The following WNK2 variants were observed in gnomAD, a reference collection of about 807,000 sequenced individuals.
The protein encoded by WNK2 is serine/threonine-protein kinase WNK2.
Under a neutral mutation model 192.1 loss-of-function variants are expected in WNK2, and 67 were observed. The observed-to-expected ratio is 0.35, with a 90% CI of 0.29 to 0.43. The LOEUF (loss-of-function observed/expected upper bound fraction) is 0.43, where lower values mean the gene tolerates loss of function less well. Among genes scored for constraint, WNK2 ranks in the 20% least tolerant of loss-of-function variants. The probability of loss-of-function intolerance (pLI) is 1.00; values close to 1 mark genes in which losing one functional copy is unlikely to be tolerated. For synonymous variants in WNK2, 1,439 were observed against 1,393.9 expected, an observed-to-expected ratio of 1.03 and a Z score of -0.72; for missense variants, 2,698 against 3,089.7, an observed-to-expected ratio of 0.87 and a Z score of 3.01.
chr9:93,219,526 T>C (rs931064381), intron 2 of WNK2, among the ~76,000 whole-genome samples: 7 of 152,226 alleles, frequency 4.6e-5, no homozygotes, highest in Non-Finnish European at 7.3e-5. Context: ...AGTTTGTCAT[T>C]GGCTTTTAGC....
At chr9:93,220,989 G>A (rs1836777671) in intron 2 of WNK2, among the ~76,000 whole-genome samples, 1 of 152,238 alleles carries the variant, frequency 6.6e-6, no homozygotes, top group Admixed American at 6.5e-5. Context: ...GCCACGTGGT[G>A]ACAGCTCCAC....
intron 19 of WNK2, among the ~76,000 whole-genome samples, chr9:93,283,783 G>C (rs1848063691): frequency 6.6e-6 from 1 of 152,160 alleles, no homozygotes; most frequent in Non-Finnish European, 1.5e-5. Context: ...AGTTGTGGCT[G>C]GTGGCTGGAA....
At position 93,289,079 on chromosome 9, in the gene WNK2, C is replaced by T. The variant is rs1848905708; in HGVS notation, c.4325C>T (p.Ala1442Val). The T allele has an allele frequency of 1.2e-6, 2 of 1,607,492 alleles. No individual in the cohort carries two copies. Among genetic ancestry groups the T allele is most frequent in the Non-Finnish European group, 1.7e-6 (2 of 1,177,452 alleles). The change falls in exon 20 of 30, where the codon GCC (alanine) becomes GTC (valine). Residue 1442 changes from alanine to valine, a missense_variant. Physicochemically the swap from Ala to Val is moderately conservative, Grantham distance 64. Coordinates refer to ENST00000427277, the MANE Select transcript of WNK2 (RefSeq NM_006648.4). ...TSQPLAETHEAPLAVQPLVVG... is the reference protein window; with the variant it reads ...TSQPLAETHEVPLAVQPLVVG... Reference sequence around the variant, plus strand: ...CAGCCACTAGCGGAGACTCACGAGGCCCCGCTTGCTGTGCAGCCCCTCGTG... The same window carrying T: ...CAGCCACTAGCGGAGACTCACGAGGTCCCGCTTGCTGTGCAGCCCCTCGTG...
chr9:93,260,059 G>A (rs1588253188), intron 12 of WNK2, among the ~76,000 whole-genome samples: 1 of 152,128 alleles, frequency 6.6e-6, no homozygotes, highest in Admixed American at 6.5e-5. Flanking sequence ...GGCCGATAGC[G>A]GGGCAGGGGC....
At chr9:93,186,300 G>A (rs1408360345) in intron 2 of WNK2, among the ~76,000 whole-genome samples, 3 of 152,216 alleles carry the variant, frequency 2.0e-5, no homozygotes, top group African/African-American at 4.8e-5. Flanking sequence ...TGCAGAATGC[G>A]TGTGGGGGTT....
chr9:93,283,652 G>C (rs1042490899), intron 19 of WNK2, among the ~76,000 whole-genome samples: 1 of 152,218 alleles, frequency 6.6e-6, no homozygotes, highest in East Asian at 1.9e-4. Context: ...ATGGTGACAA[G>C]ATTGCTGGAA....
chr9:93,210,698 G>C (rs1206842795), intron 2 of WNK2, among the ~76,000 whole-genome samples: 1 of 152,186 alleles, frequency 6.6e-6, no homozygotes, highest in Non-Finnish European at 1.5e-5. Flanking sequence ...CCTCTGAGTA[G>C]AGGGAAAGAT....
chr9:93,231,396 A>T (rs563729264), intron 4 of WNK2, among the ~76,000 whole-genome samples: 25 of 152,194 alleles, frequency 1.6e-4, no homozygotes, highest in Admixed American at 5.2e-4. Flanking sequence ...CTGGCCCCAG[A>T]TGGTCTTTGT....
intron 26 of WNK2, among the ~76,000 whole-genome samples, chr9:93,301,677 A>G (rs1331968924): frequency 2.0e-5 from 3 of 151,694 alleles, no homozygotes; most frequent in Non-Finnish European, 4.4e-5. Context: ...CTTGTGCCTC[A>G]CTTGCTGCTC....
chr9:93,231,931 G>GA (rs1206908118), intron 4 of WNK2, among the ~76,000 whole-genome samples: 26 of 152,208 alleles, frequency 1.7e-4, no homozygotes, highest in Admixed American at 1.7e-3. Flanking sequence ...CACGGACTTT[G>GA]AAAAGAATGC....
At chr9:93,202,325 CGTGTGTGTGTGTGT>C (rs761769543) in intron 2 of WNK2, among the ~76,000 whole-genome samples, 16 of 130,646 alleles carry the variant, frequency 1.2e-4, no homozygotes, top group Non-Finnish European at 1.5e-4. Flanking sequence ...TCCGTGTGCA[CGTGTGTGTGTGTGT>C]GTGTGTGTGT....
chr9:93,288,806 A>G lies in WNK2; in HGVS notation c.4052A>G (p.Asp1351Gly). 1.2e-6 allele frequency: 2 copies of G among 1,611,736 alleles called. No individual in the cohort carries two copies. The highest frequency in any genetic ancestry group is 1.7e-6 in the Non-Finnish European group (2 of 1,179,414). The change falls in exon 20 of 30, where the codon GAC (aspartate) becomes GGC (glycine). Residue 1351 changes from aspartate (D) to glycine (G), a missense_variant. Asp to Gly is a moderately conservative substitution (Grantham distance 94). Transcript: ENST00000427277. ...CTTCTAGATTCAGCGCCCTATAAAGACCAGCTGTCCTCGAAGGAACAACCC... is the reference window on the plus strand; with the variant it reads ...CTTCTAGATTCAGCGCCCTATAAAGGCCAGCTGTCCTCGAAGGAACAACCC... Reference protein sequence around the residue: ...EASQDSAPYKDQLSSKEQPSF... With the variant: ...EASQDSAPYKGQLSSKEQPSF...
intron 26 of WNK2, among the ~76,000 whole-genome samples, chr9:93,303,982 G>C (rs1588583295): frequency 6.6e-6 from 1 of 152,228 alleles, no homozygotes; most frequent in African/African-American, 2.4e-5. Flanking sequence ...GGGGGACTGA[G>C]GTGAAGCCGC....
In WNK2 at chr9:93,289,552, G is replaced by A; in HGVS notation, c.4798G>A (p.Gly1600Arg). Residue 1600 changes from glycine (G) to arginine (R), a missense_variant, in exon 20 of 30, where the codon GGG becomes AGG. Physicochemically the swap from Gly to Arg is moderately radical, Grantham distance 125. Transcript: ENST00000427277. ...CCAGCCCCGCTCAGAGGTCTGCGGG[G>A]GGGACCTGGCCCTGCCCCCAGTGCC... ...GDQPRSEVCG[G>R]DLALPPVPKE... 6.4e-7 allele frequency: 1 copy of A among 1,564,786 alleles called. No individual in the cohort carries two copies. The highest frequency in any genetic ancestry group is 2.3e-5 in the East Asian group (1 of 43,960).
chr9:93,300,002 G>A, intron 25 of WNK2, 49 bp from the exon 26 acceptor site: 1 of 1,525,460 alleles, frequency 6.6e-7, no homozygotes, highest in Non-Finnish European at 9.1e-7. Context: ...GCAGCAACCT[G>A]TACTTGATGA....
In WNK2 at chr9:93,294,242, GGTCA is replaced by G. The variant is rs1043696188; in HGVS notation, c.5708+1072_5708+1075del. Among the ~76,000 whole-genome samples the G allele has an allele frequency of 8.5e-4, 130 of 152,196 alleles. 1 individual carries two copies. Among genetic ancestry groups the G allele is most frequent in the Non-Finnish European group, 2.9e-5 (2 of 68,030 alleles). ...GAGTGTCTGCCCAGGCTGGCGGGGT[GGTCA>G]GTGCCATACATTGAGGATATAGTGA... On this transcript the variant is annotated intron_variant, in intron 23 of 29. Transcript: ENST00000427277.
At position 93,259,501 on chromosome 9, in the gene WNK2, A is replaced by T. The variant is rs772206746; in HGVS notation, c.2953A>T (p.Met985Leu). Reference protein sequence around the residue: ...PPQPVLPPQPMLPPQPVLPPQ... With the variant: ...PPQPVLPPQPLLPPQPVLPPQ... Reference sequence around the variant, plus strand: ...TCAACCTGTGCTGCCCCCGCAACCCATGCTGCCCCCACAACCTGTGCTGCC... The same window carrying T: ...TCAACCTGTGCTGCCCCCGCAACCCTTGCTGCCCCCACAACCTGTGCTGCC... Residue 985 changes from methionine (M) to leucine (L), a missense_variant, in exon 12 of 30, where the codon ATG (methionine) becomes TTG (leucine). Transcript: ENST00000427277. This position sits in a 1 kb window ranked among gnomAD's most constrained non-coding sequence, Gnocchi z 4.8. The T allele has an allele frequency of 7.9e-7, 1 of 1,270,252 alleles. No homozygotes were observed. The highest frequency in any genetic ancestry group is 1.2e-5 in the South Asian group (1 of 80,080). 78.7% of individuals were successfully genotyped at this position (1,270,252 alleles called of 1,614,324 possible).
At chr9:93,262,373 G>C (rs560417877) in intron 13 of WNK2, among the ~76,000 whole-genome samples, 1 of 151,390 alleles carries the variant, frequency 6.6e-6, no homozygotes, top group Non-Finnish European at 1.5e-5. Context: ...CATAGCACCA[G>C]TGTGTCCTCT....
intron 23 of WNK2, among the ~76,000 whole-genome samples, chr9:93,294,237 G>A (rs568503452): frequency 1.2e-4 from 19 of 152,196 alleles, no homozygotes; most frequent in Non-Finnish European, 2.2e-4. Flanking sequence ...CCAGGCTGGC[G>A]GGGTGGTCAG....
Sources: allele counts gnomAD v4.1 joint callset (sites outside exome capture counted in the v4.1 genomes callset), GRCh38; gene constraint gnomAD v4.1.1; non-coding constraint Gnocchi (gnomAD v3.1); transcripts MANE v1.5; gene names NCBI Gene and HGNC (gene_info 2026-07-23, HGNC 2026-07-21).